STAMBPL1: variants seen among roughly 807,000 people sequenced by gnomAD.
The protein encoded by STAMBPL1 is AMSH-like protease.
In STAMBPL1, 44 loss-of-function variants were observed where a neutral mutation model predicts 52.9. The observed-to-expected ratio is 0.83, with a 90% CI of 0.65 to 1.07. The LOEUF is 1.07. Ranked by LOEUF, STAMBPL1 falls within the 50% of genes least tolerant of loss-of-function variation. STAMBPL1 has a pLI of 0.00. For synonymous variants in STAMBPL1, 164 were observed against 177.3 expected (o/e 0.92, Z 0.60); for missense variants, 511 against 520.8 (o/e 0.98, Z 0.18).
intron 1 of STAMBPL1, among the ~76,000 whole-genome samples, chr10:88,898,139 C>T (rs1844857203): frequency 6.6e-6 from 1 of 152,116 alleles, no homozygotes; most frequent in Non-Finnish European, 1.5e-5. Context: ...AACCCCTTTA[C>T]ACTCTTAATT....
chr10:88,923,168 A>G lies in STAMBPL1; in HGVS notation c.1255A>G (p.Ile419Val). ...PHTKEPRLFS[I>V]CKHVLVKDIK... ...GTAAAACCAATTTTTTCTTTCCTAG[A>G]TATGCAAACATGTGTTGGTAAAAGA... The change falls in exon 11 of 11, where the codon ATA becomes GTA. Residue 419 changes from isoleucine to valine, a missense_variant and splice_region_variant. By Grantham distance (29) the Ile-to-Val change is conservative. Around this residue, in one of 3 missense-constraint regions of STAMBPL1, gnomAD observed 137 missense variants for 139.9 expected, o/e 0.98. Transcript: ENST00000371926. The G allele has an allele frequency of 6.2e-7, 1 of 1,603,706 alleles. No homozygotes were observed. The highest frequency in any genetic ancestry group is 1.1e-5 in the South Asian group (1 of 88,630).
At chr10:88,911,516 A>G (rs113228256) in intron 5 of STAMBPL1, among the ~76,000 whole-genome samples, 4,110 of 152,330 alleles carry the variant, frequency 0.027, 83 homozygotes, top group Non-Finnish European at 0.042. Flanking sequence ...CTGGATTGTT[A>G]TTAATAAAGA....
At chr10:88,892,204 G>A (rs1165588067) in intron 1 of STAMBPL1, among the ~76,000 whole-genome samples, 1 of 152,166 alleles carries the variant, frequency 6.6e-6, no homozygotes, top group Non-Finnish European at 1.5e-5. Flanking sequence ...GTGGGGGTTT[G>A]TAACTGTTTA....
At chr10:88,905,205 A>G (rs1407776545) in intron 2 of STAMBPL1, among the ~76,000 whole-genome samples, 2 of 152,200 alleles carry the variant, frequency 1.3e-5, no homozygotes, top group Admixed American at 6.5e-5. Context: ...TCCCACTCCA[A>G]TAAAACTGTA....
intron 1 of STAMBPL1, among the ~76,000 whole-genome samples, chr10:88,885,303 A>G (rs1438304924): frequency 6.6e-6 from 1 of 152,226 alleles, no homozygotes. Flanking sequence ...TCTCTAATGT[A>G]GATCTGCCAT....
intron 9 of STAMBPL1, 110 bp from the exon 10 acceptor site, chr10:88,922,227 A>G: frequency 9.6e-7 from 1 of 1,043,456 alleles, no homozygotes; most frequent in Non-Finnish European, 1.4e-6. Flanking sequence ...CTAGTTTGTG[A>G]TTTCTCAATC....
rs912538513 is a variant in STAMBPL1, at chr10:88,922,202, A to G, written c.1155-135A>G. 6 of 841,158 alleles carry G rather than the reference A, an allele frequency of 7.1e-6. 1 individual carries two copies. Among genetic ancestry groups the G allele is most frequent in the South Asian group, 3.5e-5 (2 of 57,006 alleles). The allele number at this position is 841,158 out of a possible 1,614,324, so 52.1% of individuals were successfully genotyped here. ...GACCAGTCATTGGTTTAAAAAAAAA[A>G]TCACTATGGAATTCCTAGTTTGTGA... On this transcript the variant is annotated intron_variant, in intron 9 of 10. Coordinates refer to ENST00000371926, the MANE Select transcript of STAMBPL1 (RefSeq NM_020799.4).
At chr10:88,907,252 G>C (rs1382910340) in intron 3 of STAMBPL1, among the ~76,000 whole-genome samples, 1 of 152,100 alleles carries the variant, frequency 6.6e-6, no homozygotes, top group Non-Finnish European at 1.5e-5. Context: ...ATTCTACCGA[G>C]GGCAAAATTA....
rs762306216 is a variant in STAMBPL1 at position 88,913,194 on chromosome 10, C to T, written c.514C>T (p.Leu172=). 32 of 1,613,702 alleles carry T rather than the reference C, an allele frequency of 2.0e-5. No homozygotes were observed. Among genetic ancestry groups the T allele is most frequent in the African/African-American group, 1.3e-5 (1 of 74,884 alleles). ...GATTGCTCAGATGCGCCAGCAGCAG[C>T]TAGAATCGGAGCAGTTTCTGTTTTT... ...KRIAQMRQQQ[L]ESEQFLFFED... Residue 172 remains leucine, a synonymous_variant, in exon 6 of 11, where the codon CTA becomes TTA. Transcript: ENST00000371926.
chr10:88,913,237 A>G lies in STAMBPL1; in HGVS notation c.557A>G (p.Lys186Arg), dbSNP rs1406902307. 1.2e-6 allele frequency: 2 copies of G among 1,613,928 alleles called. No homozygotes were observed. Among genetic ancestry groups the G allele is most frequent in the Non-Finnish European group, 1.7e-6 (2 of 1,179,850 alleles). The stretch of plus-strand genomic sequence containing the variant: ...CTGTTTTTCGAAGATCAACTCAAGA[A>G]GCAAGAGTTAGCCCGAGGTCAAATG... ...QFLFFEDQLK[K>R]QELARGQMRS... Residue 186 changes from lysine to arginine, a missense_variant, in exon 6 of 11, where the codon AAG (lysine) becomes AGG (arginine). Coordinates refer to ENST00000371926, the MANE Select transcript of STAMBPL1 (RefSeq NM_020799.4).
chr10:88,904,913 G>T lies in STAMBPL1; in HGVS notation c.31-530G>T, dbSNP rs142426450. Among the ~76,000 whole-genome samples, 877 of 146,702 alleles carry T rather than the reference G, an allele frequency of 6.0e-3. 5 individuals are homozygous for T. Among genetic ancestry groups the T allele is most frequent in the Non-Finnish European group, 9.9e-3 (658 of 66,240 alleles). ...CTTCTCCAGGACTTACTTGTGGGTT[G>T]TTTTTTTTTTAACTCAATGAAGATG... On this transcript the variant is annotated intron_variant, in intron 2 of 10. Transcript: ENST00000371926.
chr10:88,912,996 G>C, intron 5 of STAMBPL1, 105 bp from the exon 6 acceptor site: 1 of 954,462 alleles, frequency 1.0e-6, no homozygotes, highest in Admixed American at 2.3e-5. Context: ...GCATATCACA[G>C]TATCTAGCAT....
intron 2 of STAMBPL1, among the ~76,000 whole-genome samples, chr10:88,903,352 G>T (rs555942667): frequency 6.4e-4 from 98 of 152,306 alleles, no homozygotes; most frequent in African/African-American, 2.4e-3. Context: ...ACTTCCGTCT[G>T]TCTTTTATTT....
chr10:88,887,061 G>A (rs1452660372), intron 1 of STAMBPL1, among the ~76,000 whole-genome samples: 1 of 152,162 alleles, frequency 6.6e-6, no homozygotes, highest in African/African-American at 2.4e-5. Context: ...TCCTTGAAAG[G>A]TTGGTTTATA....
At chr10:88,904,618 G>C (rs1246358555) in intron 2 of STAMBPL1, among the ~76,000 whole-genome samples, 1 of 151,810 alleles carries the variant, frequency 6.6e-6, no homozygotes, top group East Asian at 1.9e-4. Context: ...TACTTGCTAT[G>C]TGGCACTTAA....
In STAMBPL1 at chr10:88,921,336, TTCCTA is replaced by T. The variant is rs1256358720; in HGVS notation, c.1098_1102del (p.Tyr367ThrfsTer16). On this transcript the variant is annotated frameshift_variant, in exon 9 of 11. Transcript: ENST00000371926. LOFTEE classifies it high-confidence loss of function. ...CCAGCGTTGATCTTCACACTCACTGTTCCTATCAACTCATGTTGCCAGAGGCCATT... is the reference window on the plus strand; with the variant it reads ...CCAGCGTTGATCTTCACACTCACTGTTCAACTCATGTTGCCAGAGGCCATT... 1.2e-6 allele frequency: 2 copies of T among 1,613,408 alleles called. No individual in the cohort carries two copies. The highest frequency in any genetic ancestry group is 2.2e-5 in the South Asian group (2 of 91,068).
intron 1 of STAMBPL1, among the ~76,000 whole-genome samples, chr10:88,897,775 C>T (rs1385562098): frequency 6.6e-6 from 1 of 152,196 alleles, no homozygotes; most frequent in African/African-American, 2.4e-5. Flanking sequence ...TATCTCACTC[C>T]AAAGGCTGTT....
At chr10:88,908,829 A>G in intron 4 of STAMBPL1, 52 bp downstream of exon 4, 1 of 1,410,898 alleles carries the variant, frequency 7.1e-7, no homozygotes, top group African/African-American at 1.5e-5. Context: ...ATAAGTATCC[A>G]TTATTGATTC....
chr10:88,915,785 A>C (rs1030852331), intron 7 of STAMBPL1, among the ~76,000 whole-genome samples: 66 of 152,238 alleles, frequency 4.3e-4, no homozygotes, highest in African/African-American at 1.5e-3. Context: ...TGGGAAATCT[A>C]ACCTTGTCTG....
Sources: allele counts gnomAD v4.1 joint callset (sites outside exome capture counted in the v4.1 genomes callset), GRCh38; gene constraint gnomAD v4.1.1; regional missense constraint gnomAD v4.1.1; transcripts MANE v1.5; gene names NCBI Gene and HGNC (gene_info 2026-07-23, HGNC 2026-07-21).